The following LONRF1 variants were observed in gnomAD, a reference collection of about 807,000 sequenced individuals.
LONRF1 encodes the protein LON peptidase N-terminal domain and ring finger 1, also known as LON peptidase N-terminal domain and RING finger protein 1.
LONRF1 carries 37 observed loss-of-function variants against 85.8 expected under a neutral mutation model. The observed-to-expected ratio is 0.43, with a 90% confidence interval of 0.33 to 0.57. The LOEUF (loss-of-function observed/expected upper bound fraction) is 0.57. Among genes scored for constraint, LONRF1 ranks in the 20% least tolerant of loss-of-function variants. The pLI, the probability that LONRF1 is intolerant of heterozygous loss-of-function variation, is 0.04. For missense variants in LONRF1, 1,036 were observed against 978.0 expected, an observed-to-expected ratio of 1.06 and a Z score of -0.79; for synonymous variants, 517 against 390.1, an observed-to-expected ratio of 1.33 and a Z score of -3.83.
intron 7 of LONRF1, among the ~76,000 whole-genome samples, chr8:12,732,755 C>T (rs1198040737): frequency 1.3e-5 from 2 of 152,130 alleles, no homozygotes; most frequent in African/African-American, 4.8e-5. Context: ...AGATATATTA[C>T]ATCTCTGTAG....
In LONRF1 at chr8:12,736,794, G is replaced by A. The variant is rs1314982172; in HGVS notation, c.1358C>T (p.Thr453Ile). The A allele has an allele frequency of 6.2e-7, 1 of 1,602,440 alleles. No individual in the cohort carries two copies. Among genetic ancestry groups the A allele is most frequent in the East Asian group, 2.2e-5 (1 of 44,690 alleles). ...GGAAAACATACAGACTTCATTGGGA[G>A]TTTCTATTAAAACAAAGACATGGGG... ...GRNKLKKQGE[T>I]PNEVCMFSLA... The change falls in exon 6 of 12, where the codon ACT becomes ATT. Residue 453 changes from threonine (T) to isoleucine (I), a missense_variant. Coordinates refer to ENST00000398246, the MANE Select transcript of LONRF1 (RefSeq NM_152271.5).
chr8:12,741,809 C>T (rs1798943647), intron 2 of LONRF1, among the ~76,000 whole-genome samples: 1 of 152,118 alleles, frequency 6.6e-6, no homozygotes, highest in Admixed American at 6.6e-5. Flanking sequence ...TCATAAATCC[C>T]TTATTTTGTC....
intron 1 of LONRF1, among the ~76,000 whole-genome samples, chr8:12,750,871 T>C (rs1262174926): frequency 3.3e-5 from 5 of 152,324 alleles, no homozygotes; most frequent in Middle Eastern, 3.4e-3. Context: ...AAAATCCCCT[T>C]CTAGCCGTAA....
chr8:12,723,966 G>GA (rs1227019789), intron 11 of LONRF1, among the ~76,000 whole-genome samples: 1 of 152,188 alleles, frequency 6.6e-6, no homozygotes, highest in Admixed American at 6.5e-5. Flanking sequence ...AAAAGGACTT[G>GA]TAAGCCACCT....
At chr8:12,751,309 T>TGTTTTTTTTTTTTG (rs1563160728) in intron 1 of LONRF1, among the ~76,000 whole-genome samples, 1 of 132,568 alleles carries the variant, frequency 7.5e-6, no homozygotes, top group Non-Finnish European at 1.6e-5. Flanking sequence ...TTTTTTTTTT[T>TGTTTTTTTTTTTTG]TTTTTTTTTT....
chr8:12,737,969 CATG>C, intron 4 of LONRF1, 23 bp downstream of exon 4: 7 of 1,587,718 alleles, frequency 4.4e-6, no homozygotes, highest in Non-Finnish European at 6.0e-6. Flanking sequence ...ACGCTAAACT[CATG>C]ATAACCTTGT....
intron 8 of LONRF1, 133 bp downstream of exon 8, chr8:12,731,603 A>C (rs1422489388): frequency 4.3e-6 from 3 of 693,492 alleles, no homozygotes; most frequent in Non-Finnish European, 7.1e-6. Flanking sequence ...CTGTCTGTTG[A>C]GGACCACGGA....
chr8:12,737,297 A>C, intron 4 of LONRF1, 157 bp from the exon 5 acceptor site: 1 of 958,932 alleles, frequency 1.0e-6, no homozygotes, highest in Non-Finnish European at 1.6e-6. Flanking sequence ...TGACAAGTAA[A>C]TGATTTTTGC....
rs1799378427 is a variant in LONRF1, at chr8:12,751,294, A to ATGTTTTTTTTTTTGT, written c.721+3405_721+3406insACAAAAAAAAAAACA. Among the ~76,000 whole-genome samples the ATGTTTTTTTTTTTGT allele has an allele frequency of 2.7e-4, 23 of 84,814 alleles. 2 individuals are homozygous for ATGTTTTTTTTTTTGT. The East Asian group carries it at 3.5e-3, about 13-fold the overall frequency. The allele number at this position is 84,814 out of a possible 152,430, so 55.6% of individuals were successfully genotyped here. A position where few individuals can be genotyped will look rare whatever the true frequency, so the allele number is the denominator to read the frequency against. On this transcript the variant is annotated intron_variant, in intron 1 of 11. Coordinates refer to ENST00000398246, the MANE Select transcript of LONRF1 (RefSeq NM_152271.5). ...AGTCAAGGATTATATTTTTATTTTT[A>ATGTTTTTTTTTTTGT]TGTTTTTTTTTTTTTTTTTTTTTTT...
chr8:12,725,755 G>C lies in LONRF1; in HGVS notation c.2135C>G (p.Ser712Ter). ...FRSQILQHFG[S>*]MPEREENLQA... The stretch of plus-strand genomic sequence containing the variant: ...AAGGTTTTCCTCCCTCTCGGGCATT[G>C]ATCCGAAATGCTGAAGAATTTGGCT... Residue 712 changes from serine (S) to a stop codon, truncating the protein, a stop_gained, in exon 11 of 12, where the codon TCA becomes TGA. Coordinates refer to ENST00000398246, the MANE Select transcript of LONRF1 (RefSeq NM_152271.5). LOFTEE classifies it high-confidence loss of function. The C allele has an allele frequency of 6.2e-7, 1 of 1,613,416 alleles. No homozygotes were observed. Among genetic ancestry groups the C allele is most frequent in the Non-Finnish European group, 8.5e-7 (1 of 1,179,422 alleles).
chr8:12,754,305 A>C, intron 1 of LONRF1: 6 of 159,010 alleles, frequency 3.8e-5, no homozygotes, highest in Non-Finnish European at 6.9e-5. Context: ...CCCGAGAGCC[A>C]ATTCCCGGAA....
rs561200308 is a variant in LONRF1, at chr8:12,727,636, G to C, written c.2010+1265C>G. On this transcript the variant is annotated intron_variant, in intron 10 of 11. Coordinates refer to ENST00000398246, the MANE Select transcript of LONRF1 (RefSeq NM_152271.5). ...TTTAGCCATATACTCAAGTGATTTT[G>C]TCATCAAATCCAATAAGTGAAGACA... Among the ~76,000 whole-genome samples the C allele has an allele frequency of 4.6e-5, 7 of 152,168 alleles. No homozygotes were observed. In the East Asian group the frequency reaches 1.4e-3, roughly 30 times the overall value.
intron 1 of LONRF1, chr8:12,753,025 C>T (rs1357537180): frequency 6.6e-6 from 1 of 152,254 alleles, no homozygotes; most frequent in Non-Finnish European, 1.5e-5. Context: ...AAAAATCACA[C>T]CATGGTCAGT....
chr8:12,737,067 A>G lies in LONRF1; in HGVS notation c.1187T>C (p.Ile396Thr). The stretch of plus-strand genomic sequence containing the variant: ...TCTGGCAGGCATTTCTGTTGAATTT[A>G]TAGACTGTGCTGACTGAGCACGGTT... ...SLNRAQSAQSINSTEMPARED... is the reference protein window; with the variant it reads ...SLNRAQSAQSTNSTEMPARED... The change falls in exon 5 of 12, where the codon ATA (isoleucine) becomes ACA (threonine). Residue 396 changes from isoleucine (I) to threonine (T), a missense_variant. This residue lies in a region of LONRF1 where 742 missense variants were observed against 614.4 expected (regional missense o/e 1.21). Transcript: ENST00000398246. 6.2e-7 allele frequency: 1 copy of G among 1,613,668 alleles called. No individual in the cohort carries two copies. Among genetic ancestry groups the G allele is most frequent in the South Asian group, 1.1e-5 (1 of 91,082 alleles).
chr8:12,749,771 A>G (rs1765658203), intron 1 of LONRF1, among the ~76,000 whole-genome samples: 2 of 152,226 alleles, frequency 1.3e-5, no homozygotes, highest in African/African-American at 4.8e-5. Context: ...TACCTTATGA[A>G]TCAAAGAAAA....
At chr8:12,732,911 T>A (rs1405655229) in intron 7 of LONRF1, among the ~76,000 whole-genome samples, 4 of 152,194 alleles carry the variant, frequency 2.6e-5, no homozygotes, top group Non-Finnish European at 5.9e-5. Flanking sequence ...GATGAAGCCA[T>A]CCTTGAATCT....
Position 12,754,839 on chromosome 8 carries a change from G to A in LONRF1, c.582C>T (p.Ser194=). The change falls in exon 1 of 12, where the codon AGC becomes AGT. Residue 194 remains serine (S), a synonymous_variant. Coordinates refer to ENST00000398246, the MANE Select transcript of LONRF1 (RefSeq NM_152271.5). The part of the protein sequence containing the change: ...AAIAASDFRT[S]VVLNHLAEKW... ...TCTCGGCCAGGTGGTTGAGGACGAC[G>A]CTGGTTCTGAAGTCTGAAGCGGCGA... The A allele has an allele frequency of 6.7e-7, 1 of 1,493,694 alleles. No individual in the cohort carries two copies. Among genetic ancestry groups the A allele is most frequent in the Non-Finnish European group, 8.9e-7 (1 of 1,126,732 alleles). 92.5% of individuals were successfully genotyped at this position (1,493,694 alleles called of 1,614,324 possible).
At chr8:12,740,467 AC>A (rs1798888153) in intron 3 of LONRF1, among the ~76,000 whole-genome samples, 1 of 152,126 alleles carries the variant, frequency 6.6e-6, no homozygotes, top group South Asian at 2.1e-4. Context: ...TATTGAAAAA[AC>A]TAAGGCAAAA....
chr8:12,733,684 A>G (rs1277414226), intron 7 of LONRF1, among the ~76,000 whole-genome samples: 1 of 152,198 alleles, frequency 6.6e-6, no homozygotes, highest in Non-Finnish European at 1.5e-5. Context: ...AAAAAAGAGA[A>G]CAAGAAACCT....
Sources: allele counts gnomAD v4.1 joint callset (sites outside exome capture counted in the v4.1 genomes callset), GRCh38; gene constraint gnomAD v4.1.1; regional missense constraint gnomAD v4.1.1; transcripts MANE v1.5; gene names NCBI Gene and HGNC (gene_info 2026-07-23, HGNC 2026-07-21).